Variants in OAS1 observed in about 807,000 individuals in gnomAD.
OAS1 encodes 2'-5'-oligoadenylate synthetase 1, also known as 2'-5'-oligoadenylate synthase 1.
In OAS1, 24 loss-of-function variants were observed where a neutral mutation model predicts 38.5. That is an observed-to-expected ratio of 0.62 (90% CI 0.45 to 0.88). The LOEUF (loss-of-function observed/expected upper bound fraction) is 0.88, where lower values mean the gene tolerates loss of function less well. Ranked by LOEUF, OAS1 falls within the 40% of genes least tolerant of loss-of-function variation. OAS1 has a pLI of 0.00. For synonymous variants in OAS1, 169 were observed against 193.9 expected (o/e 0.87, Z 1.07); for missense variants, 482 against 493.9 (o/e 0.98, Z 0.23).
intron 2 of OAS1, among the ~76,000 whole-genome samples, chr12:112,910,775 G>C (rs1056370968): frequency 2.0e-5 from 3 of 152,192 alleles, no homozygotes; most frequent in Non-Finnish European, 4.4e-5. Context: ...AGCATGATCA[G>C]CAGCATTCTC....
downstream of OAS1, among the ~76,000 whole-genome samples, chr12:112,922,862 G>A (rs535144189): frequency 6.6e-6 from 1 of 152,192 alleles, no homozygotes; most frequent in Non-Finnish European, 1.5e-5. Context: ...ACAAGTAAAT[G>A]GGACTTCAGT....
intron 2 of OAS1, among the ~76,000 whole-genome samples, chr12:112,910,363 A>G (rs180709277): frequency 6.6e-6 from 1 of 152,092 alleles, no homozygotes; most frequent in Non-Finnish European, 1.5e-5. Flanking sequence ...GTGAGACTCC[A>G]TCTCGAAAAA....
rs1029514863 is a variant in OAS1 at position 112,916,397 on chromosome 12, C to T, written c.655-112C>T. ...ATAAATGAATGAGCCTGGATTCGTT[C>T]CAAGGAAACTTTATAAAAACAGGTG... is the stretch of plus-strand genomic sequence containing the variant. On this transcript the variant is annotated intron_variant, in intron 3 of 5. Transcript: ENST00000202917. 8.0e-6 allele frequency: 6 copies of T among 750,526 alleles called. No homozygotes were observed. In the African/African-American group the frequency reaches 1.1e-4, roughly 13 times the overall value. The allele number at this position is 750,526 out of a possible 1,614,324, so 46.5% of individuals were successfully genotyped here.
rs79785883 is a variant in OAS1 at position 112,916,625 on chromosome 12, G to T, written c.771G>T (p.Thr257=). The change falls in exon 4 of 6, where the codon ACG becomes ACT. Residue 257 remains threonine (T), a synonymous_variant. Transcript: ENST00000202917. ...THFNTAQGFR[T]VLELVINYQQ... ...TCAACACAGCCCAGGGATTTCGGAC[G>T]GTCTTGGAATTAGTCATAAACTACC... 1 of 1,614,004 alleles carries T rather than the reference G, an allele frequency of 6.2e-7. No individual in the cohort carries two copies. The highest frequency in any genetic ancestry group is 1.3e-5 in the African/African-American group (1 of 74,910).
intron 6 of OAS1, among the ~76,000 whole-genome samples, chr12:112,929,108 T>A (rs529569337): frequency 6.6e-6 from 1 of 152,332 alleles, no homozygotes; most frequent in South Asian, 2.1e-4. Context: ...GCCCCCAAGA[T>A]GACCCCATGC....
Position 112,916,525 on chromosome 12 carries a change from G to A in OAS1, c.671G>A (p.Gly224Glu), listed in dbSNP as rs1380207765. The change falls in exon 4 of 6, where the codon GGG (glycine) becomes GAG (glutamate). Residue 224 changes from glycine (G) to glutamate (E), a missense_variant. Coordinates refer to ENST00000202917, the MANE Select transcript of OAS1 (RefSeq NM_016816.4). ...TCTTCTCAGTGTAAGAAGAAGCTTGGGAAGCTGCCACCTCAGTATGCCCTG... is the reference window on the plus strand; with the variant it reads ...TCTTCTCAGTGTAAGAAGAAGCTTGAGAAGCTGCCACCTCAGTATGCCCTG... Reference protein sequence around the residue: ...HWYQNCKKKLGKLPPQYALEL... With the variant: ...HWYQNCKKKLEKLPPQYALEL... 7 of 1,613,934 alleles carry A rather than the reference G, an allele frequency of 4.3e-6. No homozygotes were observed. Among genetic ancestry groups the A allele is most frequent in the Non-Finnish European group, 5.9e-6 (7 of 1,179,962 alleles).
Position 112,917,870 on chromosome 12 carries a change from C to G in OAS1, c.1038+170C>G, listed in dbSNP as rs537972556. ...ATTTTACAGTCATTTTGGTCACAAT[C>G]GAGGGTTTCTGGAATTTTCACATCC... On this transcript the variant is annotated intron_variant, in intron 5 of 5. Coordinates refer to ENST00000202917, the MANE Select transcript of OAS1 (RefSeq NM_016816.4). 3.5e-4 allele frequency: 520 copies of G among 1,499,524 alleles called. 3 individuals carry two copies. In the African/African-American group the frequency reaches 6.1e-3, roughly 18 times the overall value. The allele number at this position is 1,499,524 out of a possible 1,614,324, so 92.9% of individuals were successfully genotyped here.
rs377100213 is a variant in OAS1 at position 112,908,695 on chromosome 12, G to A, written c.340G>A (p.Ala114Thr). 1.0e-4 allele frequency: 167 copies of A among 1,614,212 alleles called. No homozygotes were observed. Among genetic ancestry groups the A allele is most frequent in the Non-Finnish European group, 1.3e-4 (158 of 1,180,044 alleles). The part of the protein sequence containing the change: ...RQLEACQRER[A>T]FSVKFEVQAP... ...GCTGGAAGCCTGTCAAAGAGAGAGA[G>A]CATTTTCCGTGAAGTTTGAGGTCCA... The change falls in exon 2 of 6, where the codon GCA (alanine) becomes ACA (threonine). Residue 114 changes from alanine to threonine, a missense_variant. Physicochemically the swap from Ala to Thr is moderately conservative, Grantham distance 58. Coordinates refer to ENST00000202917, the MANE Select transcript of OAS1 (RefSeq NM_016816.4).
At position 112,927,765 on chromosome 12, in the gene OAS1, A is replaced by AT. The variant is rs200131105; in HGVS notation, c.1168-4104dup. 2.5e-3 allele frequency among the ~76,000 whole-genome samples: 382 copies of AT among 151,774 alleles called. 1 individual carries two copies. Among genetic ancestry groups the AT allele is most frequent in the African/African-American group, 8.2e-3 (341 of 41,384 alleles). On this transcript the variant is annotated intron_variant, in intron 6 of 6. Transcript: ENST00000540589. ...CAAGCAAGAATGACCAGATTTTCTG[A>AT]TTTTTTTTTCCGCTGTGCTAATGTA...
Position 112,919,726 on chromosome 12 carries a change from A to G in OAS1, c.*173A>G. 6.7e-7 allele frequency: 1 copy of G among 1,496,488 alleles called. No homozygotes were observed. Among genetic ancestry groups the G allele is most frequent in the Non-Finnish European group, 8.9e-7 (1 of 1,118,830 alleles). The allele number at this position is 1,496,488 out of a possible 1,614,324, so 92.7% of individuals were successfully genotyped here. Reference sequence around the variant, plus strand: ...CCTTCTATGCCCTCTATCCTATCATAGATAACATTCTCCACAGCCTCACTT... The same window carrying G: ...CCTTCTATGCCCTCTATCCTATCATGGATAACATTCTCCACAGCCTCACTT... On this transcript the variant is annotated 3_prime_UTR_variant, in exon 6 of 6. Transcript: ENST00000202917.
chr12:112,908,811 C>G lies in OAS1; in HGVS notation c.456C>G (p.Ala152=). The change falls in exon 2 of 6, where the codon GCC becomes GCG. Residue 152 remains alanine (A), a synonymous_variant. Coordinates refer to ENST00000202917, the MANE Select transcript of OAS1 (RefSeq NM_016816.4). ...GEGVEFDVLP[A]FDALGQLTGG... is the part of the protein sequence containing the mutation. ...GGGTGGAGTTCGATGTGCTGCCTGC[C>G]TTTGATGCCCTGGGTGAGAGCTCCC... 6.3e-6 allele frequency: 10 copies of G among 1,593,388 alleles called. No individual in the cohort carries two copies. Among genetic ancestry groups the G allele is most frequent in the Middle Eastern group, 1.7e-4 (1 of 5,960 alleles).
chr12:112,930,643 G>T (rs1395042959), intron 6 of OAS1, among the ~76,000 whole-genome samples: 8 of 152,190 alleles, frequency 5.3e-5, no homozygotes, highest in East Asian at 1.9e-4. Context: ...AAGGACTAAG[G>T]TCCCCTTTGG....
chr12:112,917,476 C>T, intron 4 of OAS1, 71 bp from the exon 5 acceptor site: 2 of 1,595,524 alleles, frequency 1.3e-6, no homozygotes, highest in South Asian at 2.2e-5. Context: ...TTTTGCTCTC[C>T]CAGGAGCATC....
intron 6 of OAS1, among the ~76,000 whole-genome samples, chr12:112,925,910 C>T (rs1470716892): frequency 6.6e-6 from 1 of 152,028 alleles, no homozygotes; most frequent in Non-Finnish European, 1.5e-5. Context: ...TATAGCTTAT[C>T]CTAAAGGAAG....
downstream of OAS1, among the ~76,000 whole-genome samples, chr12:112,920,283 C>A (rs897639684): frequency 1.9e-4 from 29 of 152,176 alleles, no homozygotes; most frequent in African/African-American, 6.8e-4. Flanking sequence ...TGTGACACAG[C>A]AGCCACTAGC....
downstream of OAS1, among the ~76,000 whole-genome samples, chr12:112,924,633 A>G (rs777179665): frequency 1.2e-4 from 18 of 152,090 alleles, no homozygotes; most frequent in Non-Finnish European, 1.8e-4. Context: ...TTTCAGTACT[A>G]TCGTACTTGG....
chr12:112,929,504 C>T (rs1859336), intron 6 of OAS1, among the ~76,000 whole-genome samples: 113,181 of 152,164 alleles, frequency 0.74, 43,390 homozygotes, highest in African/African-American at 0.94. Flanking sequence ...CTGTTTGGTT[C>T]CTGGAGTTAC....
intron 4 of OAS1, 27 bp downstream of exon 4, chr12:112,916,765 C>CACGAAA: frequency 6.5e-7 from 1 of 1,539,702 alleles, no homozygotes; most frequent in Non-Finnish European, 9.0e-7. Context: ...TGGCTTAGCT[C>CACGAAA]CCCTATGTAA....
At chr12:112,914,408 T>C (rs1367518821) in intron 3 of OAS1, among the ~76,000 whole-genome samples, 1 of 152,360 alleles carries the variant, frequency 6.6e-6, no homozygotes, top group Non-Finnish European at 1.5e-5. Flanking sequence ...AACATGTGTG[T>C]GCAAGTATCT....
Sources: gnomAD v4.1 joint callset for allele counts (sites outside exome capture counted in the v4.1 genomes callset) on GRCh38, gnomAD v4.1.1 for gene constraint, MANE v1.5 for transcripts, NCBI Gene and HGNC (gene_info 2026-07-23, HGNC 2026-07-21) for gene names.